The following NR3C2 variants were observed in gnomAD, a reference collection of about 807,000 sequenced individuals.
NR3C2 encodes the protein mineralocorticoid receptor.
NR3C2 carries 15 observed loss-of-function variants against 86.4 expected under a neutral mutation model. The observed-to-expected ratio is 0.17, with a 90% CI of 0.12 to 0.27. The LOEUF is 0.27. NR3C2 is among the 10% of genes least tolerant of loss of function. The probability of loss-of-function intolerance (pLI) is 1.00; values close to 1 mark genes in which losing one functional copy is unlikely to be tolerated. For synonymous variants in NR3C2, 458 were observed against 450.5 expected (o/e 1.02, Z -0.21); for missense variants, 960 against 1,195.6 (o/e 0.80, Z 2.91).
At chr4:148,223,443 G>T (rs1737971494) in intron 3 of NR3C2, among the ~76,000 whole-genome samples, 1 of 152,166 alleles carries the variant, frequency 6.6e-6, no homozygotes, top group South Asian at 2.1e-4. Context: ...ATACAAATCT[G>T]TGTCTTTCCC....
chr4:148,149,547 A>G (rs963534980), intron 6 of NR3C2, among the ~76,000 whole-genome samples: 1 of 152,238 alleles, frequency 6.6e-6, no homozygotes, highest in Non-Finnish European at 1.5e-5. Flanking sequence ...GCAACAAAAG[A>G]AGAGATTTTG....
chr4:148,291,243 T>C (rs1040224511), intron 2 of NR3C2, among the ~76,000 whole-genome samples: 1 of 152,098 alleles, frequency 6.6e-6, no homozygotes, highest in African/African-American at 2.4e-5. Flanking sequence ...CTTAGGATTT[T>C]TTTTTCCCTA....
chr4:148,080,244 A>C lies in NR3C2; in HGVS notation c.*1100T>G, dbSNP rs1198734519. 1.3e-5 allele frequency: 2 copies of C among 152,534 alleles called. No homozygotes were observed. Among genetic ancestry groups the C allele is most frequent in the Non-Finnish European group, 2.9e-5 (2 of 68,044 alleles). The allele number at this position is 152,534 out of a possible 1,614,324, so 9.4% of individuals were successfully genotyped here. A position where few individuals can be genotyped will look rare whatever the true frequency, so the allele number is the denominator to read the frequency against. ...CCAGAAAACGTGCTGGAGTCCCACAAATGCCCCAAGCGGGAGACCAAGAAC... is the reference window on the plus strand; with the variant it reads ...CCAGAAAACGTGCTGGAGTCCCACACATGCCCCAAGCGGGAGACCAAGAAC... On this transcript the variant is annotated 3_prime_UTR_variant, in exon 9 of 9. Transcript: ENST00000358102.
chr4:148,270,828 T>C (rs1014784562), intron 2 of NR3C2, among the ~76,000 whole-genome samples: 3 of 152,174 alleles, frequency 2.0e-5, no homozygotes, highest in Non-Finnish European at 4.4e-5. Context: ...ATTGCTGTAC[T>C]ATTCCAAAAA....
intron 6 of NR3C2, among the ~76,000 whole-genome samples, chr4:148,143,947 C>CAAAAAAAAAA (rs67177081): frequency 7.8e-5 from 5 of 64,410 alleles, no homozygotes; most frequent in African/African-American, 2.0e-4. Context: ...AACTCTGTCT[C>CAAAAAAAAAA]AAAAAAAAAA....
intron 3 of NR3C2, among the ~76,000 whole-genome samples, chr4:148,237,774 A>T (rs1186275129): frequency 6.6e-6 from 1 of 152,096 alleles, no homozygotes; most frequent in Non-Finnish European, 1.5e-5. Flanking sequence ...GGTGAATAGT[A>T]GTGATAGAAT....
At chr4:148,168,518 C>T (rs748543772) in intron 4 of NR3C2, among the ~76,000 whole-genome samples, 12 of 152,176 alleles carry the variant, frequency 7.9e-5, no homozygotes, top group Non-Finnish European at 1.6e-4. Flanking sequence ...GGCCTGTTAG[C>T]GGTGTCAGCA....
chr4:148,087,635 C>T (rs1000976696), intron 8 of NR3C2, among the ~76,000 whole-genome samples: 10 of 152,102 alleles, frequency 6.6e-5, no homozygotes, highest in South Asian at 2.1e-4. Context: ...ATTTAATAAA[C>T]GGTACGGCGA....
chr4:148,134,030 AT>A (rs1482145400), intron 6 of NR3C2, among the ~76,000 whole-genome samples: 1 of 152,188 alleles, frequency 6.6e-6, no homozygotes, highest in Non-Finnish European at 1.5e-5. Context: ...CCTAGAAAAC[AT>A]TTTTGGATGC....
At chr4:148,304,905 T>C (rs1383853397) in intron 2 of NR3C2, among the ~76,000 whole-genome samples, 1 of 151,520 alleles carries the variant, frequency 6.6e-6, no homozygotes, top group Non-Finnish European at 1.5e-5. Flanking sequence ...CTTTTTTTTT[T>C]TTTTCCTGAG....
rs936737683 is a variant in NR3C2, at chr4:148,155,799, G to A, written c.2015-898C>T. On this transcript the variant is annotated intron_variant, in intron 4 of 8. Coordinates refer to ENST00000358102, the MANE Select transcript of NR3C2 (RefSeq NM_000901.5). ...ATGGAACCAAAAAAGAGCCTGCATC[G>A]CCAAGTCAATCCTAAGCCAAAAGAA... 5.4e-4 allele frequency among the ~76,000 whole-genome samples: 82 copies of A among 152,066 alleles called. 1 individual carries two copies. In the South Asian group the frequency reaches 0.011, roughly 20 times the overall value.
intron 2 of NR3C2, among the ~76,000 whole-genome samples, chr4:148,404,044 TCAGA>T (rs1032438455): frequency 3.3e-5 from 5 of 152,090 alleles, no homozygotes; most frequent in South Asian, 2.1e-4. Flanking sequence ...CACATTTTGC[TCAGA>T]CAGAGAATCA....
In NR3C2 at chr4:148,081,094, G is replaced by A. The variant is rs1422159582; in HGVS notation, c.*250C>T. 7 of 526,026 alleles carry A rather than the reference G, an allele frequency of 1.3e-5. No homozygotes were observed. Among genetic ancestry groups the A allele is most frequent in the Middle Eastern group, 5.3e-4 (1 of 1,876 alleles). The allele number at this position is 526,026 out of a possible 1,614,324, so 32.6% of individuals were successfully genotyped here. A position where few individuals can be genotyped will look rare whatever the true frequency, so the allele number is the denominator to read the frequency against. On this transcript the variant is annotated 3_prime_UTR_variant, in exon 9 of 9. Coordinates refer to ENST00000358102, the MANE Select transcript of NR3C2 (RefSeq NM_000901.5). Reference sequence around the variant, plus strand: ...TTGACTAGATATGGCTTTTCATCCCGAGGAACAGGAACATGTTTCTAAGCG... The same window carrying A: ...TTGACTAGATATGGCTTTTCATCCCAAGGAACAGGAACATGTTTCTAAGCG...
chr4:148,349,721 T>C (rs750521157), intron 2 of NR3C2, among the ~76,000 whole-genome samples: 46 of 152,294 alleles, frequency 3.0e-4, no homozygotes, highest in Non-Finnish European at 5.4e-4. Flanking sequence ...TGTTAATGTA[T>C]GACAAACAGT....
chr4:148,123,993 C>T (rs1234668101), intron 6 of NR3C2, among the ~76,000 whole-genome samples: 1 of 152,174 alleles, frequency 6.6e-6, no homozygotes, highest in African/African-American at 2.4e-5. Flanking sequence ...AATCCTAGCA[C>T]TTTGGGAGAC....
chr4:148,358,621 TAACA>T (rs1442601782), intron 2 of NR3C2, among the ~76,000 whole-genome samples: 2 of 79,114 alleles, frequency 2.5e-5, no homozygotes, highest in Non-Finnish European at 4.9e-5. Context: ...TAAAGTATAA[TAACA>T]AATAAAAAAT....
chr4:148,245,551 C>T (rs1034951698), intron 3 of NR3C2, among the ~76,000 whole-genome samples: 3 of 152,016 alleles, frequency 2.0e-5, no homozygotes, highest in Admixed American at 6.6e-5. Flanking sequence ...CATTTTGGTG[C>T]GAGACTTACA....
At chr4:148,258,152 T>G (rs1014804647) in intron 3 of NR3C2, among the ~76,000 whole-genome samples, 4 of 152,228 alleles carry the variant, frequency 2.6e-5, no homozygotes, top group Non-Finnish European at 4.4e-5. Flanking sequence ...TAGGGCCAGC[T>G]GGCCAACTGC....
chr4:148,295,772 C>T (rs1742018031), intron 2 of NR3C2, among the ~76,000 whole-genome samples: 1 of 151,828 alleles, frequency 6.6e-6, no homozygotes, highest in African/African-American at 2.4e-5. Context: ...TTCTTCACAT[C>T]ACCACATCTC....
Sources: gnomAD v4.1 joint callset for allele counts (sites outside exome capture counted in the v4.1 genomes callset) on GRCh38, gnomAD v4.1.1 for gene constraint, MANE v1.5 for transcripts, NCBI Gene and HGNC (gene_info 2026-07-23, HGNC 2026-07-21) for gene names.